BCAS3: variants seen among roughly 807,000 people sequenced by gnomAD.
The protein encoded by BCAS3 is BCAS3 microtubule associated cell migration factor.
BCAS3 carries 53 observed loss-of-function variants against 116.1 expected under a neutral mutation model. That is an observed-to-expected ratio of 0.46 (90% CI 0.37 to 0.57). The LOEUF (loss-of-function observed/expected upper bound fraction) is 0.57, where lower values mean the gene tolerates loss of function less well. Ranked by LOEUF, BCAS3 falls within the 20% of genes least tolerant of loss-of-function variation. The pLI is 0.00. For synonymous variants in BCAS3, 391 were observed against 408.2 expected (o/e 0.96, Z 0.51); for missense variants, 917 against 1,165.4 (o/e 0.79, Z 3.10).
rs1485787796 is a variant in BCAS3, at chr17:61,307,388, T to C, written c.2426-60939T>C. On this transcript the variant is annotated intron_variant, in intron 22 of 23. Coordinates refer to ENST00000407086, the MANE Select transcript of BCAS3 (RefSeq NM_017679.5). The surrounding 1 kb of genome is among the most constrained non-coding windows in gnomAD (Gnocchi z 4.7). ...TTACTAGAGGTTTCCTCAAGTTCCT[T>C]GAGCATAATCTCAGAGAAGAATCTA... is the stretch of plus-strand genomic sequence containing the variant. 6.6e-6 allele frequency among the ~76,000 whole-genome samples: 1 copy of C among 152,254 alleles called. No individual in the cohort carries two copies. Among genetic ancestry groups the C allele is most frequent in the African/African-American group, 2.4e-5 (1 of 41,480 alleles).
chr17:60,968,553 G>A (rs1474793324), intron 14 of BCAS3, among the ~76,000 whole-genome samples: 1 of 152,014 alleles, frequency 6.6e-6, no homozygotes, highest in Admixed American at 6.6e-5. Flanking sequence ...AATCTTTACA[G>A]CTAAGTTGTT....
intron 6 of BCAS3, among the ~76,000 whole-genome samples, chr17:60,752,729 T>C (rs570434903): frequency 6.2e-5 from 4 of 64,650 alleles, no homozygotes; most frequent in African/African-American, 1.1e-4. Flanking sequence ...TTAGAGAGAG[T>C]CTACCAACAT....
chr17:60,719,545 T>C (rs1050137356), intron 5 of BCAS3, among the ~76,000 whole-genome samples: 2 of 152,240 alleles, frequency 1.3e-5, no homozygotes, highest in African/African-American at 4.8e-5. Flanking sequence ...ATTATTAACA[T>C]TCATTTTAGC....
chr17:61,212,571 T>G (rs1017546987), intron 22 of BCAS3, among the ~76,000 whole-genome samples: 1 of 151,296 alleles, frequency 6.6e-6, no homozygotes, highest in Non-Finnish European at 1.5e-5. Flanking sequence ...AACTATATTG[T>G]ATATTTGCAA....
At chr17:61,277,261 T>TC in intron 22 of BCAS3, among the ~76,000 whole-genome samples, 1 of 16,900 alleles carries the variant, frequency 5.9e-5, no homozygotes, top group East Asian at 2.4e-3. Context: ...AGACCCTGTA[T>TC]CAAAAAAAAA....
At position 61,118,422 on chromosome 17, in the gene BCAS3, G is replaced by T. The variant is rs1186452620; in HGVS notation, c.2425+33858G>T. On this transcript the variant is annotated intron_variant, in intron 22 of 23. Transcript: ENST00000407086. The surrounding 1 kb of genome is among the most constrained non-coding windows in gnomAD (Gnocchi z 5.0). ...GGTGCCTCCTTACTGCCAAGCAGGG[G>T]TGAAAATCCAGACTCCCCATTTGTC... is the stretch of plus-strand genomic sequence containing the variant. Among the ~76,000 whole-genome samples the T allele has an allele frequency of 6.6e-6, 1 of 152,188 alleles. No homozygotes were observed. The highest frequency in any genetic ancestry group is 1.5e-5 in the Non-Finnish European group (1 of 68,032).
At chr17:61,231,713 CA>C (rs1464106801) in intron 22 of BCAS3, among the ~76,000 whole-genome samples, 4 of 151,760 alleles carry the variant, frequency 2.6e-5, no homozygotes, top group Non-Finnish European at 4.4e-5. Context: ...ACCGTCTCTA[CA>C]AAATAATTTT....
Position 60,964,126 on chromosome 17 carries a change from A to G in BCAS3, c.1221+16774A>G, listed in dbSNP as rs376179141. On this transcript the variant is annotated intron_variant, in intron 14 of 23. Transcript: ENST00000407086. This position sits in a 1 kb window ranked among gnomAD's most constrained non-coding sequence, Gnocchi z 4.6. ...TCGTCTTGTTCCAGTCTTTAGAGGA[A>G]AGGCCTTCATTTTTTCCCTGTTCCG... Among the ~76,000 whole-genome samples the G allele has an allele frequency of 1.2e-3, 181 of 152,254 alleles. 9 individuals carry two copies. In the South Asian group the frequency reaches 0.037, roughly 31 times the overall value.
rs568917266 is a variant in BCAS3 at position 60,741,941 on chromosome 17, C to A, written c.322-5257C>A. Among the ~76,000 whole-genome samples, 35 of 152,098 alleles carry A rather than the reference C, an allele frequency of 2.3e-4. No individual in the cohort carries two copies. In the South Asian group the frequency reaches 5.6e-3, roughly 24 times the overall value. ...TCAATATTCTTTATTATGTTGTTTT[C>A]AAAATGGTAAAACAGTGATCTCATA... On this transcript the variant is annotated intron_variant, in intron 5 of 23. Transcript: ENST00000407086.
intron 6 of BCAS3, among the ~76,000 whole-genome samples, chr17:60,761,852 T>C (rs1194711191): frequency 4.9e-5 from 7 of 143,844 alleles, no homozygotes. Flanking sequence ...TTTCTCCACA[T>C]CCTCTCCAGC....
intron 4 of BCAS3, among the ~76,000 whole-genome samples, chr17:60,708,165 T>A (rs754141274): frequency 6.6e-6 from 1 of 151,758 alleles, no homozygotes; most frequent in Non-Finnish European, 1.5e-5. Flanking sequence ...TCTACAAACA[T>A]TTACAAAAAA....
rs1160047786 is a variant in BCAS3 at position 61,026,858 on chromosome 17, C to G, written c.1638-7808C>G. The G allele has an allele frequency of 9.4e-6, 15 of 1,594,032 alleles. No individual in the cohort carries two copies. The highest frequency in any genetic ancestry group is 1.1e-5 in the Non-Finnish European group (13 of 1,168,882). The stretch of plus-strand genomic sequence containing the variant: ...TTTTTTGTGCATTTTTCCCCCTTTT[C>G]CATGAAGGCCTTATCTCTTTGGAGC... On this transcript the variant is annotated intron_variant, in intron 16 of 23. Transcript: ENST00000407086. This position sits in a 1 kb window ranked among gnomAD's most constrained non-coding sequence, Gnocchi z 5.0.
At chr17:61,035,713 C>G (rs1349856801) in intron 17 of BCAS3, among the ~76,000 whole-genome samples, 1 of 152,080 alleles carries the variant, frequency 6.6e-6, no homozygotes, top group Non-Finnish European at 1.5e-5. Flanking sequence ...CATCCAAGAC[C>G]TCCAGTGGAT....
intron 13 of BCAS3, among the ~76,000 whole-genome samples, chr17:60,939,622 G>A (rs891764040): frequency 5.3e-5 from 8 of 152,230 alleles, no homozygotes; most frequent in African/African-American, 1.4e-4. Context: ...TATTCATCCC[G>A]CATAATAGAA....
intron 6 of BCAS3, among the ~76,000 whole-genome samples, chr17:60,771,585 G>T (rs1237505734): frequency 6.6e-6 from 1 of 151,828 alleles, no homozygotes; most frequent in Non-Finnish European, 1.5e-5. Flanking sequence ...AAATTCTAGG[G>T]TATATGTGCA....
intron 7 of BCAS3, among the ~76,000 whole-genome samples, chr17:60,840,081 G>C (rs891888803): frequency 6.6e-6 from 1 of 151,428 alleles, no homozygotes; most frequent in Non-Finnish European, 1.5e-5. Flanking sequence ...CATTGTCCAG[G>C]TTAAGAATGG....
At chr17:61,018,692 C>T (rs1173380307) in intron 16 of BCAS3, among the ~76,000 whole-genome samples, 1 of 152,122 alleles carries the variant, frequency 6.6e-6, no homozygotes, top group Non-Finnish European at 1.5e-5. Context: ...ACGTTCTCTC[C>T]CTCTGCCTGC....
chr17:60,983,538 G>A (rs550723709), intron 14 of BCAS3, among the ~76,000 whole-genome samples: 1 of 152,020 alleles, frequency 6.6e-6, no homozygotes, highest in African/African-American at 2.4e-5. Flanking sequence ...ATGTCTTCAA[G>A]GTCATAGAGC....
rs1052369594 is a variant in BCAS3, at chr17:60,814,312, C to T, written c.476+6236C>T. Among the ~76,000 whole-genome samples, 36 of 138,666 alleles carry T rather than the reference C, an allele frequency of 2.6e-4. 1 individual carries two copies. The highest frequency in any genetic ancestry group is 1.8e-3 in the East Asian group (9 of 5,054). The allele number at this position is 138,666 out of a possible 152,430, so 91.0% of individuals were successfully genotyped here. The stretch of plus-strand genomic sequence containing the variant: ...GTGTGTGTGTGTGTGTGTGTGCGCG[C>T]GTGCCCATTGCAAATGGGATTGCAT... On this transcript the variant is annotated intron_variant, in intron 7 of 23. Transcript: ENST00000407086.
Sources: allele counts gnomAD v4.1 joint callset (sites outside exome capture counted in the v4.1 genomes callset), GRCh38; gene constraint gnomAD v4.1.1; non-coding constraint Gnocchi (gnomAD v3.1); transcripts MANE v1.5; gene names NCBI Gene and HGNC (gene_info 2026-07-23, HGNC 2026-07-21).